The following LRR1 variants were observed in gnomAD, a reference collection of about 807,000 sequenced individuals.
LRR1 encodes leucine-rich repeat protein 1.
In LRR1, 29 loss-of-function variants were observed where a neutral mutation model predicts 31.6. The observed-to-expected ratio is 0.92, with a 90% CI of 0.68 to 1.25. The LOEUF is 1.25. Ranked by LOEUF, LRR1 falls within the 50% of genes most tolerant of loss-of-function variation. LRR1 has a pLI of 0.00. For synonymous variants in LRR1, 179 were observed against 181.4 expected, an observed-to-expected ratio of 0.99 and a Z score of 0.10; for missense variants, 485 against 487.2, an observed-to-expected ratio of 1.00 and a Z score of 0.04.
At chr14:49,611,847 C>CCGG (rs1359393705) in intron 3 of LRR1, among the ~76,000 whole-genome samples, 2 of 151,446 alleles carry the variant, frequency 1.3e-5, no homozygotes, top group East Asian at 3.9e-4. Flanking sequence ...TTGCTTGAAC[C>CCGG]CGGGAGGTTG....
chr14:49,610,112 G>T (rs894189409), intron 3 of LRR1, among the ~76,000 whole-genome samples: 1 of 152,180 alleles, frequency 6.6e-6, no homozygotes, highest in African/African-American at 2.4e-5. Context: ...GAGTTGTGAC[G>T]ATAAATGAGC....
At chr14:49,613,154 A>G (rs996741303) in intron 3 of LRR1, among the ~76,000 whole-genome samples, 2 of 152,040 alleles carry the variant, frequency 1.3e-5, no homozygotes, top group African/African-American at 2.4e-5. Flanking sequence ...CCTGGCTAAC[A>G]TGGTGAAACC....
intron 2 of LRR1, among the ~76,000 whole-genome samples, chr14:49,605,749 T>C (rs1882255858): frequency 1.3e-5 from 2 of 152,230 alleles, no homozygotes; most frequent in Admixed American, 6.5e-5. Context: ...CTGCCTTCCA[T>C]TTGATAGTTC....
At chr14:49,600,943 G>C in intron 1 of LRR1, 2 of 1,548,586 alleles carry the variant, frequency 1.3e-6, no homozygotes, top group South Asian at 1.2e-5. Flanking sequence ...GCTTGGCTTT[G>C]ACCATACACA....
At chr14:49,604,351 G>T (rs1882206280) in intron 2 of LRR1, among the ~76,000 whole-genome samples, 1 of 151,760 alleles carries the variant, frequency 6.6e-6, no homozygotes, top group African/African-American at 2.4e-5. Context: ...AACTGGCTGG[G>T]TGCAGTGGCT....
intron 1 of LRR1, chr14:49,600,937 G>A: frequency 6.5e-7 from 1 of 1,535,152 alleles, no homozygotes; most frequent in Non-Finnish European, 8.8e-7. Context: ...GGAACTGCTT[G>A]GCTTTGACCA....
At chr14:49,612,721 T>C (rs1430747021) in intron 3 of LRR1, 3 of 829,894 alleles carry the variant, frequency 3.6e-6, no homozygotes, top group Non-Finnish European at 4.5e-6. Context: ...GGCTTGTTTA[T>C]TTGTTGAAAA....
chr14:49,601,759 C>A (rs1882062153), intron 1 of LRR1: 1 of 1,018,190 alleles, frequency 9.8e-7, no homozygotes, highest in Non-Finnish European at 1.3e-6. Context: ...AGTTACTGGA[C>A]AGACAGAGCA....
rs1458614442 is a variant in LRR1 at position 49,601,564 on chromosome 14, GA to G, written c.184-805del. 4.1e-6 allele frequency: 5 copies of G among 1,219,630 alleles called. No homozygotes were observed. The African/African-American group carries it at 7.8e-5, about 19-fold the overall frequency. The allele number at this position is 1,219,630 out of a possible 1,614,324, so 75.6% of individuals were successfully genotyped here. On this transcript the variant is annotated intron_variant, in intron 1 of 3. Transcript: ENST00000298288. ...TAGCACTCAGGATAGAATAGCAAAG[GA>G]GACAAGATTCCTGCTCTCATGGAGT...
chr14:49,613,166 T>C (rs908231439), intron 3 of LRR1, among the ~76,000 whole-genome samples: 3 of 151,868 alleles, frequency 2.0e-5, no homozygotes, highest in East Asian at 1.9e-4. Context: ...GGTGAAACCC[T>C]GCCTCTACTA....
chr14:49,607,284 C>T (rs1882320157), intron 2 of LRR1, 116 bp from the exon 3 acceptor site: 2 of 1,152,586 alleles, frequency 1.7e-6, no homozygotes, highest in Non-Finnish European at 1.2e-6. Flanking sequence ...CAGTCAATTT[C>T]AGTAAATCAT....
chr14:49,602,650 C>T (rs1033427139), intron 2 of LRR1, among the ~76,000 whole-genome samples, 182 bp downstream of exon 2: 8 of 152,040 alleles, frequency 5.3e-5, no homozygotes, highest in African/African-American at 1.9e-4. Flanking sequence ...CTCACCACTC[C>T]CGGATAAATT....
At chr14:49,599,593 T>A (rs573697670) in intron 1 of LRR1, among the ~76,000 whole-genome samples, 20 of 151,962 alleles carry the variant, frequency 1.3e-4, no homozygotes, top group African/African-American at 4.8e-4. Flanking sequence ...CAGTGAATTC[T>A]TTCTCCCACA....
intron 3 of LRR1, among the ~76,000 whole-genome samples, chr14:49,611,456 GC>G (rs1882508780): frequency 6.6e-6 from 1 of 152,118 alleles, no homozygotes; most frequent in African/African-American, 2.4e-5. Flanking sequence ...GCTTGGGAGT[GC>G]AGATTGAGAC....
chr14:49,599,313 T>TG (rs1490950191), intron 1 of LRR1, 110 bp downstream of exon 1: 28 of 1,264,790 alleles, frequency 2.2e-5, no homozygotes, highest in Non-Finnish European at 2.9e-5. Flanking sequence ...AAGCCCGCCT[T>TG]GGGGGTTCCT....
chr14:49,599,120 C>T lies in LRR1; in HGVS notation c.100C>T (p.Gln34Ter), dbSNP rs757391098. Residue 34 changes from glutamine to a stop codon, truncating the protein, a stop_gained, in exon 1 of 4, where the codon CAG becomes TAG. Transcript: ENST00000298288. LOFTEE classifies it high-confidence loss of function. ...CGTCCGAGCCGTGTTGAGCCTCTGT[C>T]AGCAGACTTCCAGGAGTCAGCCGCC... is the stretch of plus-strand genomic sequence containing the variant. Reference protein sequence around the residue: ...KGVRAVLSLCQQTSRSQPPVR... With the variant: ...KGVRAVLSLC The T allele has an allele frequency of 1.9e-6, 3 of 1,608,692 alleles. No individual in the cohort carries two copies. Among genetic ancestry groups the T allele is most frequent in the African/African-American group, 2.7e-5 (2 of 74,858 alleles).
At chr14:49,603,786 C>T (rs1187975494) in intron 2 of LRR1, among the ~76,000 whole-genome samples, 6 of 147,198 alleles carry the variant, frequency 4.1e-5, no homozygotes, top group South Asian at 2.1e-4. Context: ...CTCCACCTCC[C>T]GGGTTCAAGC....
chr14:49,613,362 G>A (rs1427188933), intron 3 of LRR1, among the ~76,000 whole-genome samples: 3 of 149,324 alleles, frequency 2.0e-5, no homozygotes, highest in Non-Finnish European at 4.5e-5. Flanking sequence ...AAAATTAGCC[G>A]GGAATGTTGG....
intron 3 of LRR1, 46 bp from the exon 4 acceptor site, chr14:49,614,210 A>C: frequency 1.9e-6 from 3 of 1,560,562 alleles, no homozygotes; most frequent in Non-Finnish European, 1.7e-6. Flanking sequence ...TCATGTCCTG[A>C]ATCTAGTAAC....
Sources: allele counts gnomAD v4.1 joint callset (sites outside exome capture counted in the v4.1 genomes callset), GRCh38; gene constraint gnomAD v4.1.1; transcripts MANE v1.5; gene names NCBI Gene and HGNC (gene_info 2026-07-23, HGNC 2026-07-21).